PDZRN3: variants seen among roughly 807,000 people sequenced by gnomAD.
PDZRN3 encodes the protein PDZ domain containing ring finger 3, also known as E3 ubiquitin-protein ligase PDZRN3.
PDZRN3 carries 38 observed loss-of-function variants against 85.7 expected under a neutral mutation model. That is an observed-to-expected ratio of 0.44 (90% CI 0.34 to 0.58). The LOEUF (loss-of-function observed/expected upper bound fraction) is 0.58, where lower values mean the gene tolerates loss of function less well. Ranked by LOEUF, PDZRN3 falls within the 20% of genes least tolerant of loss-of-function variation. PDZRN3 has a pLI of 0.01. For synonymous variants in PDZRN3, 759 were observed against 638.0 expected (o/e 1.19, Z -2.86); for missense variants, 1,629 against 1,506.4 (o/e 1.08, Z -1.35).
chr3:73,524,278 A>T (rs1704467267), intron 3 of PDZRN3, among the ~76,000 whole-genome samples: 1 of 152,260 alleles, frequency 6.6e-6, no homozygotes, highest in Non-Finnish European at 1.5e-5. Flanking sequence ...GGCTTAATTT[A>T]TGTAAAGCAA....
At chr3:73,545,131 C>A (rs1701392269) in intron 3 of PDZRN3, among the ~76,000 whole-genome samples, 1 of 152,226 alleles carries the variant, frequency 6.6e-6, no homozygotes, top group Non-Finnish European at 1.5e-5. Context: ...ACTGAGCCCA[C>A]ACTGGGTGCC....
At chr3:73,530,157 C>A (rs769341516) in intron 3 of PDZRN3, among the ~76,000 whole-genome samples, 2 of 152,182 alleles carry the variant, frequency 1.3e-5, no homozygotes, top group East Asian at 3.8e-4. Flanking sequence ...TTTGGCCTCA[C>A]CACAGTGGTT....
At chr3:73,554,903 C>T (rs1701655079) in intron 3 of PDZRN3, among the ~76,000 whole-genome samples, 1 of 152,184 alleles carries the variant, frequency 6.6e-6, no homozygotes, top group South Asian at 2.1e-4. Context: ...GAGAGTATGT[C>T]TAATAACAAT....
At chr3:73,543,768 C>A (rs1701343410) in intron 3 of PDZRN3, among the ~76,000 whole-genome samples, 1 of 152,182 alleles carries the variant, frequency 6.6e-6, no homozygotes, top group African/African-American at 2.4e-5. Context: ...CATCTGATAC[C>A]TTTAACATCT....
intron 1 of PDZRN3, 128 bp from the exon 2 acceptor site, chr3:73,608,812 A>G: frequency 1.6e-6 from 1 of 639,644 alleles, no homozygotes; most frequent in Non-Finnish European, 2.7e-6. Context: ...TCTCTTGGGA[A>G]GTTTAACCAA....
intron 3 of PDZRN3, among the ~76,000 whole-genome samples, chr3:73,449,203 C>A (rs1254803112): frequency 2.0e-5 from 3 of 152,100 alleles, no homozygotes. Flanking sequence ...CAGGACAGAG[C>A]CTTGGGACCC....
intron 3 of PDZRN3, among the ~76,000 whole-genome samples, chr3:73,601,453 T>C (rs998098765): frequency 3.9e-5 from 6 of 152,230 alleles, no homozygotes; most frequent in Non-Finnish European, 7.3e-5. Flanking sequence ...CTGTGGCCCA[T>C]GGGTGAATTT....
intron 1 of PDZRN3, 129 bp downstream of exon 1, chr3:73,623,974 T>C (rs1458869030): frequency 8.7e-6 from 8 of 917,714 alleles, no homozygotes; most frequent in Non-Finnish European, 1.2e-5. Flanking sequence ...TGGTAAGCAG[T>C]GGAAGAAGAG....
intron 3 of PDZRN3, among the ~76,000 whole-genome samples, chr3:73,439,013 C>A (rs1350754051): frequency 6.6e-6 from 1 of 152,212 alleles, no homozygotes; most frequent in Non-Finnish European, 1.5e-5. Context: ...TTAAGTCTCA[C>A]CTCCTCTGTC....
At chr3:73,390,957 GAA>G in intron 6 of PDZRN3, 59 bp downstream of exon 6, 1 of 901,294 alleles carries the variant, frequency 1.1e-6, no homozygotes, top group African/African-American at 1.8e-5. Flanking sequence ...TGGTGAACAT[GAA>G]AAAAAAAACC....
At chr3:73,499,696 G>T (rs1459545036) in intron 3 of PDZRN3, among the ~76,000 whole-genome samples, 4 of 152,120 alleles carry the variant, frequency 2.6e-5, no homozygotes, top group Admixed American at 2.6e-4. Flanking sequence ...TGGTGGTGGT[G>T]GTTGGGTCTT....
intron 3 of PDZRN3, among the ~76,000 whole-genome samples, chr3:73,486,843 A>C (rs573851116): frequency 6.6e-6 from 1 of 152,224 alleles, no homozygotes; most frequent in Non-Finnish European, 1.5e-5. Context: ...ATTTTATTTC[A>C]TATCAGGAAA....
chr3:73,424,454 T>C (rs181139441), intron 3 of PDZRN3, among the ~76,000 whole-genome samples: 93 of 132,260 alleles, frequency 7.0e-4, no homozygotes, highest in Admixed American at 3.1e-3. Flanking sequence ...GGCAGGAGAA[T>C]GGCGTGAACC....
chr3:73,611,901 T>C (rs1031895456), intron 1 of PDZRN3, among the ~76,000 whole-genome samples: 1 of 152,148 alleles, frequency 6.6e-6, no homozygotes, highest in African/African-American at 2.4e-5. Flanking sequence ...GGATAGAGGG[T>C]ACTTAAATAA....
chr3:73,623,999 T>C (rs1702913899), intron 1 of PDZRN3, 104 bp downstream of exon 1: 3 of 1,134,032 alleles, frequency 2.6e-6, no homozygotes, highest in Non-Finnish European at 3.5e-6. Context: ...GAAGCAAGGA[T>C]GTTCCCGGGA....
intron 2 of PDZRN3, among the ~76,000 whole-genome samples, chr3:73,607,301 C>T (rs1045661926): frequency 3.3e-5 from 5 of 152,140 alleles, no homozygotes; most frequent in East Asian, 3.8e-4. Context: ...ATAATGTATT[C>T]GTTTGGTACT....
intron 3 of PDZRN3, among the ~76,000 whole-genome samples, chr3:73,437,618 T>A (rs1575653882): frequency 6.6e-6 from 1 of 152,200 alleles, no homozygotes; most frequent in Non-Finnish European, 1.5e-5. Flanking sequence ...CGACTCATGG[T>A]TGAGTTTCCA....
chr3:73,605,534 T>C (rs573162040), intron 2 of PDZRN3, among the ~76,000 whole-genome samples: 1 of 152,368 alleles, frequency 6.6e-6, no homozygotes, highest in African/African-American at 2.4e-5. Context: ...GATCATGCAA[T>C]GAAAAGCCTT....
At chr3:73,518,304 AT>A (rs1276161150) in intron 3 of PDZRN3, among the ~76,000 whole-genome samples, 1 of 152,352 alleles carries the variant, frequency 6.6e-6, no homozygotes, top group African/African-American at 2.4e-5. Context: ...GAGTAGTCAA[AT>A]TCAAGAGGCA....
Sources: gnomAD v4.1 joint callset for allele counts (sites outside exome capture counted in the v4.1 genomes callset) on GRCh38, gnomAD v4.1.1 for gene constraint, MANE v1.5 for transcripts, NCBI Gene and HGNC (gene_info 2026-07-23, HGNC 2026-07-21) for gene names.